Variants in PPP2R5E observed in about 807,000 individuals in gnomAD.
PPP2R5E encodes the protein protein phosphatase 2 regulatory subunit B'epsilon, also known as serine/threonine-protein phosphatase 2A 56 kDa regulatory subunit epsilon isoform.
Under a neutral mutation model 65.3 loss-of-function variants are expected in PPP2R5E, and 4 were observed. The ratio of observed to expected loss-of-function variants is 0.06; its 90% CI spans 0.03 to 0.14. The LOEUF is 0.14. Among genes scored for constraint, PPP2R5E ranks in the 10% least tolerant of loss-of-function variants. The probability of loss-of-function intolerance (pLI) is 1.00; values close to 1 mark genes in which losing one functional copy is unlikely to be tolerated. For missense variants in PPP2R5E, 274 were observed against 556.1 expected, an observed-to-expected ratio of 0.49 and a Z score of 5.10; for synonymous variants, 183 against 187.4, an observed-to-expected ratio of 0.98 and a Z score of 0.19.
chr14:63,478,939 A>G (rs576443773), intron 2 of PPP2R5E, among the ~76,000 whole-genome samples: 1 of 130,390 alleles, frequency 7.7e-6, no homozygotes, highest in South Asian at 2.2e-4. Context: ...CCTGGCCAAT[A>G]TGGTGAAACC....
chr14:63,389,745 C>A lies in PPP2R5E; in HGVS notation c.955-14G>T. The A allele has an allele frequency of 1.3e-6, 2 of 1,573,788 alleles. No homozygotes were observed. The highest frequency in any genetic ancestry group is 1.7e-6 in the Non-Finnish European group (2 of 1,161,920). ...AAGGAACATGACCTGTAAGTACAAG[C>A]AAAATACAAGATGTGAGGCACATCA... On this transcript the variant is annotated splice_polypyrimidine_tract_variant and intron_variant, in intron 10 of 13. Transcript: ENST00000337537.
chr14:63,540,192 A>G (rs1893833293), intron 1 of PPP2R5E, among the ~76,000 whole-genome samples: 1 of 151,020 alleles, frequency 6.6e-6, no homozygotes, highest in Admixed American at 6.6e-5. Context: ...GCACTTTGGG[A>G]GGCCGAGGTG....
Position 63,511,742 on chromosome 14 carries a change from T to C in PPP2R5E, c.157+27787A>G, listed in dbSNP as rs150304611. On this transcript the variant is annotated intron_variant, in intron 2 of 13. Coordinates refer to ENST00000337537, the MANE Select transcript of PPP2R5E (RefSeq NM_006246.5). ...AATCACCGTGTAGCTCATTAAAATG[T>C]AGTATGATAGAGAGCTGAGTTCTCT... Among the ~76,000 whole-genome samples, 204 of 152,270 alleles carry C rather than the reference T, an allele frequency of 1.3e-3. 1 individual carries two copies. The highest frequency in any genetic ancestry group is 4.7e-3 in the African/African-American group (194 of 41,558).
chr14:63,448,787 CAAAA>C (rs36096050), intron 3 of PPP2R5E, among the ~76,000 whole-genome samples: 3 of 86,602 alleles, frequency 3.5e-5, no homozygotes, highest in Non-Finnish European at 5.0e-5. Flanking sequence ...AAGACTTCGT[CAAAA>C]AAAAAAAAAA....
intron 11 of PPP2R5E, among the ~76,000 whole-genome samples, chr14:63,385,627 C>T (rs1245795415): frequency 1.3e-5 from 2 of 152,168 alleles, no homozygotes; most frequent in African/African-American, 2.4e-5. Flanking sequence ...CTCCTATGGG[C>T]AGGCACTGTG....
Position 63,374,642 on chromosome 14 carries a change from T to C in PPP2R5E, c.*1367A>G, listed in dbSNP as rs1429567870. 1.0e-5 allele frequency: 1 copy of C among 98,334 alleles called. No individual in the cohort carries two copies. The highest frequency in any genetic ancestry group is 1.9e-5 in the Non-Finnish European group (1 of 51,644). 6.1% of individuals were successfully genotyped at this position (98,334 alleles called of 1,614,324 possible). ...AAGCAGAGAGCCAATAAGATATATA[T>C]ATATATATATATATATATATATATA... On this transcript the variant is annotated 3_prime_UTR_variant, in exon 14 of 14. Coordinates refer to ENST00000337537, the MANE Select transcript of PPP2R5E (RefSeq NM_006246.5).
intron 3 of PPP2R5E, among the ~76,000 whole-genome samples, chr14:63,439,765 G>A (rs1011165647): frequency 2.6e-5 from 4 of 152,204 alleles, no homozygotes; most frequent in African/African-American, 9.7e-5. Context: ...CCAAGGATTA[G>A]GATGTCCATC....
At chr14:63,510,226 CA>C (rs1313360461) in intron 2 of PPP2R5E, among the ~76,000 whole-genome samples, 11 of 152,302 alleles carry the variant, frequency 7.2e-5, no homozygotes, top group African/African-American at 2.6e-4. Context: ...TCCAGCCCAA[CA>C]ACAATGGGAC....
At chr14:63,538,837 C>T (rs1172144392) in intron 2 of PPP2R5E, among the ~76,000 whole-genome samples, 5 of 151,668 alleles carry the variant, frequency 3.3e-5, no homozygotes, top group Admixed American at 6.6e-5. Context: ...CCCAGCTACT[C>T]GGGAAGCTGA....
intron 2 of PPP2R5E, among the ~76,000 whole-genome samples, chr14:63,486,327 C>CACACACACACACACACAT (rs1204641238): frequency 2.7e-5 from 4 of 148,984 alleles, no homozygotes; most frequent in African/African-American, 1.0e-4. Context: ...CACACACACA[C>CACACACACACACACACAT]ATCCTTTAAA....
At chr14:63,490,767 G>T (rs1471418770) in intron 2 of PPP2R5E, among the ~76,000 whole-genome samples, 1 of 151,986 alleles carries the variant, frequency 6.6e-6, no homozygotes, top group South Asian at 2.1e-4. Flanking sequence ...AAAAAGGAAC[G>T]CTCATACACT....
At chr14:63,477,259 A>G (rs1890456702) in intron 2 of PPP2R5E, among the ~76,000 whole-genome samples, 1 of 152,190 alleles carries the variant, frequency 6.6e-6, no homozygotes. Context: ...CAAATGTGCA[A>G]TGTAGTAATA....
In PPP2R5E at chr14:63,542,766, G is replaced by C. The variant is rs1355214710; in HGVS notation, c.-8+13C>G. On this transcript the variant is annotated intron_variant, in intron 1 of 13. Coordinates refer to ENST00000337537, the MANE Select transcript of PPP2R5E (RefSeq NM_006246.5). Reference sequence around the variant, plus strand: ...GAAGCGGGCGAGCCGCGGTGCTGGAGGGACTAAGTTACCTTGAAGCTTCTG... The same window carrying C: ...GAAGCGGGCGAGCCGCGGTGCTGGACGGACTAAGTTACCTTGAAGCTTCTG... 1 of 154,052 alleles carries C rather than the reference G, an allele frequency of 6.5e-6. No homozygotes were observed. Among genetic ancestry groups the C allele is most frequent in the South Asian group, 2.0e-4 (1 of 4,894 alleles). The allele number at this position is 154,052 out of a possible 1,614,324, so 9.5% of individuals were successfully genotyped here.
chr14:63,527,244 T>C (rs1426967424), intron 2 of PPP2R5E, among the ~76,000 whole-genome samples: 7 of 152,202 alleles, frequency 4.6e-5, no homozygotes, highest in Admixed American at 4.6e-4. Context: ...TTGAAAATAA[T>C]TACATTAGCC....
intron 2 of PPP2R5E, among the ~76,000 whole-genome samples, chr14:63,520,122 G>T (rs201737598): frequency 6.6e-6 from 1 of 152,048 alleles, no homozygotes; most frequent in Non-Finnish European, 1.5e-5. Flanking sequence ...TGCAAACTCC[G>T]CCTCCCGGGT....
intron 12 of PPP2R5E, among the ~76,000 whole-genome samples, chr14:63,383,060 T>C (rs1215369049): frequency 1.3e-5 from 2 of 151,864 alleles, no homozygotes; most frequent in African/African-American, 2.4e-5. Context: ...TGCTGATAAC[T>C]GGCAAGCTGG....
chr14:63,390,758 C>A (rs983216933), intron 10 of PPP2R5E, among the ~76,000 whole-genome samples: 7 of 152,164 alleles, frequency 4.6e-5, no homozygotes, highest in Non-Finnish European at 7.3e-5. Flanking sequence ...GAATTTCTCC[C>A]AAAGTTTTAA....
chr14:63,393,832 G>A lies in PPP2R5E; in HGVS notation c.837C>T (p.Leu279=). The A allele has an allele frequency of 2.5e-6, 4 of 1,593,256 alleles. No homozygotes were observed. Among genetic ancestry groups the A allele is most frequent in the Non-Finnish European group, 3.4e-6 (4 of 1,161,668 alleles). The part of the protein sequence containing the change: ...IPLHTVRSLS[L]FHAQLAYCIV... Reference sequence around the variant, plus strand: ...AAAATCCTCCTACCTGTGCATGGAAGAGTGATAAGCTCCTGACAGTGTGTA... The same window carrying A: ...AAAATCCTCCTACCTGTGCATGGAAAAGTGATAAGCTCCTGACAGTGTGTA... The change falls in exon 8 of 14, where the codon CTC becomes CTT. Residue 279 remains leucine (L), a synonymous_variant. Transcript: ENST00000337537.
chr14:63,489,182 G>A (rs1230823810), intron 2 of PPP2R5E, among the ~76,000 whole-genome samples: 1 of 151,778 alleles, frequency 6.6e-6, no homozygotes. Flanking sequence ...CATTAATTTG[G>A]GGGGGTAGTT....
Sources: gnomAD v4.1 joint callset for allele counts (sites outside exome capture counted in the v4.1 genomes callset) on GRCh38, gnomAD v4.1.1 for gene constraint, MANE v1.5 for transcripts, NCBI Gene and HGNC (gene_info 2026-07-23, HGNC 2026-07-21) for gene names.